XRCC5: variants seen among roughly 807,000 people sequenced by gnomAD.
XRCC5 encodes the protein DNA repair protein Ku80.
In XRCC5, 12 loss-of-function variants were observed where a neutral mutation model predicts 95.7. That is an observed-to-expected ratio of 0.13 (90% CI 0.08 to 0.20). XRCC5 has a LOEUF of 0.20. Ranked by LOEUF, XRCC5 falls within the 10% of genes least tolerant of loss-of-function variation. The pLI, the probability that XRCC5 is intolerant of heterozygous loss-of-function variation, is 1.00. For missense variants in XRCC5, 595 were observed against 873.9 expected, an observed-to-expected ratio of 0.68 and a Z score of 4.02; for synonymous variants, 281 against 290.3, an observed-to-expected ratio of 0.97 and a Z score of 0.33.
intron 16 of XRCC5, among the ~76,000 whole-genome samples, chr2:216,187,488 G>GTT (rs1689517890): frequency 9.5e-6 from 1 of 104,898 alleles, no homozygotes; most frequent in Non-Finnish European, 1.9e-5. Flanking sequence ...GTGTGTGTGT[G>GTT]TGTGTGTGTG....
At chr2:216,204,259 T>C (rs1453757167) in intron 19 of XRCC5, 63 bp from the exon 20 acceptor site, 1 of 1,592,802 alleles carries the variant, frequency 6.3e-7, no homozygotes, top group Non-Finnish European at 8.6e-7. Flanking sequence ...GCTAGCAGAT[T>C]GTTCCCTCTT....
rs61752200 is a variant in XRCC5, at chr2:216,122,121, G to A, written c.551G>A (p.Arg184His). The change falls in exon 6 of 21, where the codon CGC becomes CAC. Residue 184 changes from arginine (R) to histidine (H), a missense_variant. Arg to His is a conservative substitution (Grantham distance 29). Transcript: ENST00000392132. ...GGGGACAGAGGAGATGGCCCCTTTCGCTTAGGTGGCCATGGGCCTTCCTTT... is the reference window on the plus strand; with the variant it reads ...GGGGACAGAGGAGATGGCCCCTTTCACTTAGGTGGCCATGGGCCTTCCTTT... ...GSGDRGDGPF[R>H]LGGHGPSFPL... 164 of 1,614,134 alleles carry A rather than the reference G, an allele frequency of 1.0e-4. 1 individual carries two copies. In the Middle Eastern group the frequency reaches 3.8e-3, roughly 37 times the overall value.
chr2:216,187,023 A>G (rs1475166277), intron 16 of XRCC5, among the ~76,000 whole-genome samples: 1 of 152,222 alleles, frequency 6.6e-6, no homozygotes, highest in Non-Finnish European at 1.5e-5. Context: ...CATCACAGCT[A>G]TTCCCTGGTG....
chr2:216,194,393 A>G (rs1438488299), intron 18 of XRCC5, among the ~76,000 whole-genome samples: 2 of 152,244 alleles, frequency 1.3e-5, no homozygotes, highest in Admixed American at 6.5e-5. Context: ...TTGAGAAAAT[A>G]TATTCTTAGG....
At position 216,162,052 on chromosome 2, in the gene XRCC5, A is replaced by C. The variant is rs1405788741; in HGVS notation, c.1834+4A>C. The C allele has an allele frequency of 1.2e-6, 2 of 1,613,866 alleles. No homozygotes were observed. Among genetic ancestry groups the C allele is most frequent in the East Asian group, 4.5e-5 (2 of 44,872 alleles). ...AAGAAGGCCAGCTTTGAGGAAGGTG[A>C]GTGGTTGACTTTGCATTTAGGAGAA... On this transcript the variant is annotated splice_donor_region_variant and intron_variant, in intron 16 of 20. Transcript: ENST00000392132.
chr2:216,117,947 CCT>C (rs945956051), intron 4 of XRCC5, among the ~76,000 whole-genome samples, 153 bp downstream of exon 4: 1 of 152,126 alleles, frequency 6.6e-6, no homozygotes, highest in Non-Finnish European at 1.5e-5. Context: ...TTCAGTCCAA[CCT>C]CTCTGTTTTT....
chr2:216,115,859 C>G (rs1406402047), intron 2 of XRCC5, among the ~76,000 whole-genome samples: 1 of 151,602 alleles, frequency 6.6e-6, no homozygotes, highest in Non-Finnish European at 1.5e-5. Context: ...CCCTTCCTTA[C>G]CCTTTTTTTC....
At chr2:216,132,864 C>G (rs1419727524) in intron 10 of XRCC5, among the ~76,000 whole-genome samples, 2 of 152,212 alleles carry the variant, frequency 1.3e-5, no homozygotes, top group African/African-American at 2.4e-5. Context: ...ATTCTATACT[C>G]ACATCTGCCC....
intron 16 of XRCC5, among the ~76,000 whole-genome samples, chr2:216,186,785 A>G (rs572255918): frequency 7.2e-5 from 11 of 152,310 alleles, no homozygotes; most frequent in Non-Finnish European, 1.3e-4. Flanking sequence ...CAGCCCTGTA[A>G]TTAATGTAGA....
chr2:216,138,912 C>T (rs187191277), intron 12 of XRCC5, among the ~76,000 whole-genome samples: 2 of 152,218 alleles, frequency 1.3e-5, no homozygotes, highest in African/African-American at 4.8e-5. Flanking sequence ...AGGTGAGTCT[C>T]GGAACTCAAT....
At chr2:216,187,884 C>G (rs1005740628) in intron 16 of XRCC5, among the ~76,000 whole-genome samples, 4 of 146,580 alleles carry the variant, frequency 2.7e-5, no homozygotes, top group Non-Finnish European at 4.5e-5. Flanking sequence ...GTCTCTCCCT[C>G]TCTCTCTCTC....
intron 16 of XRCC5, among the ~76,000 whole-genome samples, chr2:216,171,286 TAC>T (rs955168060): frequency 1.8e-4 from 28 of 152,336 alleles, no homozygotes; most frequent in African/African-American, 6.7e-4. Flanking sequence ...TGTAATTTGG[TAC>T]AGTTAGCCTG....
intron 14 of XRCC5, among the ~76,000 whole-genome samples, chr2:216,149,339 C>T (rs529614199): frequency 4.6e-5 from 7 of 152,126 alleles, no homozygotes; most frequent in South Asian, 2.1e-4. Context: ...ACCAACTGCC[C>T]GCCCCCCATA....
intron 13 of XRCC5, among the ~76,000 whole-genome samples, chr2:216,143,929 T>C (rs7568029): frequency 0.36 from 53,725 of 151,172 alleles, 10,472 homozygotes; most frequent in East Asian, 0.68. Context: ...TTAGCCAGGA[T>C]AGTCTCGATC....
At chr2:216,116,991 T>C in intron 3 of XRCC5, 149 bp downstream of exon 3, 1 of 822,830 alleles carries the variant, frequency 1.2e-6, no homozygotes, top group Non-Finnish European at 1.9e-6. Flanking sequence ...TTAATAGGGT[T>C]TAATGTGAAA....
intron 2 of XRCC5, 80 bp from the exon 3 acceptor site, chr2:216,116,579 C>T (rs1428376813): frequency 1.7e-5 from 26 of 1,550,198 alleles, no homozygotes; most frequent in Non-Finnish European, 2.1e-5. Flanking sequence ...GTCTGGTTGT[C>T]CTGCTCCCTG....
rs1689898663 is a variant in XRCC5 at position 216,204,189 on chromosome 2, C to G, written c.2110-133C>G. On this transcript the variant is annotated intron_variant, in intron 19 of 20. Coordinates refer to ENST00000392132, the MANE Select transcript of XRCC5 (RefSeq NM_021141.4). ...AGTAGCGTATGCCAGGATGATGTTT[C>G]TTTTGGGCCGTTGGCAGTGAGACTG... is the stretch of plus-strand genomic sequence containing the variant. The G allele has an allele frequency of 3.9e-6, 4 of 1,017,102 alleles. No homozygotes were observed. The South Asian group carries it at 5.7e-5, about 15-fold the overall frequency. The allele number at this position is 1,017,102 out of a possible 1,614,324, so 63.0% of individuals were successfully genotyped here.
At chr2:216,148,594 C>T (rs144215424) in intron 14 of XRCC5, among the ~76,000 whole-genome samples, 1 of 152,030 alleles carries the variant, frequency 6.6e-6, no homozygotes, top group Non-Finnish European at 1.5e-5. Flanking sequence ...TAAATGTCAC[C>T]CTTTTTAAAG....
chr2:216,196,531 TACAC>T (rs200962435), intron 19 of XRCC5, among the ~76,000 whole-genome samples: 4 of 152,058 alleles, frequency 2.6e-5, no homozygotes, highest in African/African-American at 7.2e-5. Context: ...TGTATGCACA[TACAC>T]ACACACATAT....
Sources: gnomAD v4.1 joint callset for allele counts (sites outside exome capture counted in the v4.1 genomes callset) on GRCh38, gnomAD v4.1.1 for gene constraint, MANE v1.5 for transcripts, NCBI Gene and HGNC (gene_info 2026-07-23, HGNC 2026-07-21) for gene names.